Variants in CNBD1 observed in about 807,000 individuals in gnomAD.
CNBD1 encodes the protein cyclic nucleotide-binding domain-containing protein 1.
A neutral mutation model predicts 54.4 loss-of-function variants in CNBD1; 71 were observed. The observed-to-expected ratio is 1.30, with a 90% CI of 1.08 to 1.59. The LOEUF is 1.59. CNBD1 is among the 40% of genes most tolerant of loss of function. The pLI, the probability that CNBD1 is intolerant of heterozygous loss-of-function variation, is 0.00. For synonymous variants in CNBD1, 182 were observed against 170.7 expected, an observed-to-expected ratio of 1.07 and a Z score of -0.51; for missense variants, 659 against 518.0, an observed-to-expected ratio of 1.27 and a Z score of -2.64.
intron 3 of CNBD1, among the ~76,000 whole-genome samples, chr8:86,932,967 A>T (rs923498982): frequency 6.6e-6 from 1 of 152,116 alleles, no homozygotes; most frequent in Non-Finnish European, 1.5e-5. Context: ...GGAAGGTCGT[A>T]TTTAGTGGCC....
At chr8:86,952,652 A>G (rs1408543832) in intron 4 of CNBD1, among the ~76,000 whole-genome samples, 1 of 151,910 alleles carries the variant, frequency 6.6e-6, no homozygotes, top group African/African-American at 2.4e-5. Flanking sequence ...TATAATTTAT[A>G]TATAATAAAA....
At chr8:87,312,508 G>T (rs1045175601) in intron 8 of CNBD1, among the ~76,000 whole-genome samples, 1 of 152,048 alleles carries the variant, frequency 6.6e-6, no homozygotes. Context: ...GTGAAATATA[G>T]TGGGGTTTGA....
At chr8:87,147,729 A>T (rs1812519738) in intron 4 of CNBD1, among the ~76,000 whole-genome samples, 1 of 152,098 alleles carries the variant, frequency 6.6e-6, no homozygotes, top group African/African-American at 2.4e-5. Context: ...GGGATGCTTC[A>T]TAACTTCAAG....
chr8:87,394,135 C>A (rs1811367209), intron 2 of CNBD1, among the ~76,000 whole-genome samples: 1 of 151,778 alleles, frequency 6.6e-6, no homozygotes, highest in African/African-American at 2.4e-5. Flanking sequence ...TAACAATCAC[C>A]CACATAGAAT....
intron 8 of CNBD1, among the ~76,000 whole-genome samples, chr8:87,340,875 C>A (rs773952763): frequency 2.0e-5 from 3 of 151,884 alleles, no homozygotes; most frequent in Non-Finnish European, 4.4e-5. Context: ...CCTATACCGC[C>A]ATTTCTTTAG....
intron 3 of CNBD1, among the ~76,000 whole-genome samples, chr8:86,911,000 G>A (rs897700573): frequency 1.3e-5 from 2 of 152,160 alleles, no homozygotes; most frequent in African/African-American, 4.8e-5. Context: ...TAGTTGTGCT[G>A]TTTGCATATC....
rs538277428 is a variant in CNBD1 at position 87,266,901 on chromosome 8, A to G, written c.772-17777A>G. On this transcript the variant is annotated intron_variant, in intron 6 of 10. Coordinates refer to ENST00000518476, the MANE Select transcript of CNBD1 (RefSeq NM_173538.3). ...TCATAAAACTTAATTTAGGCATCACATGCCTAATGATGAAAGGAAAGACTT... is the reference window on the plus strand; with the variant it reads ...TCATAAAACTTAATTTAGGCATCACGTGCCTAATGATGAAAGGAAAGACTT... Among the ~76,000 whole-genome samples the G allele has an allele frequency of 4.6e-5, 7 of 152,270 alleles. No individual in the cohort carries two copies. The South Asian group carries it at 1.0e-3, about 23-fold the overall frequency.
intron 2 of CNBD1, among the ~76,000 whole-genome samples, chr8:87,412,128 T>G (rs1259445300): frequency 6.6e-6 from 1 of 152,062 alleles, no homozygotes; most frequent in Non-Finnish European, 1.5e-5. Context: ...CTGAGTTTTT[T>G]TCATTTTTCA....
chr8:86,923,841 G>T (rs555813060), intron 3 of CNBD1, among the ~76,000 whole-genome samples: 2 of 152,316 alleles, frequency 1.3e-5, no homozygotes, highest in South Asian at 4.1e-4. Flanking sequence ...AAGGACAGGT[G>T]ACATCAGAAC....
At position 86,948,312 on chromosome 8, in the gene CNBD1, T is replaced by C. The variant is rs149858711; in HGVS notation, c.431+8558T>C. On this transcript the variant is annotated intron_variant, in intron 4 of 10. Transcript: ENST00000518476. ...TTGCTGGATCATATACCTCTAATTT[T>C]AGTTTTTTGAGGAACCTCAATACTG... Among the ~76,000 whole-genome samples the C allele has an allele frequency of 4.4e-4, 67 of 152,258 alleles. No individual in the cohort carries two copies. In the East Asian group the frequency reaches 0.011, roughly 25 times the overall value.
At chr8:87,341,935 T>C (rs113851887) in intron 8 of CNBD1, among the ~76,000 whole-genome samples, 3,663 of 152,264 alleles carry the variant, frequency 0.024, 149 homozygotes, top group African/African-American at 0.081. Flanking sequence ...TCATGTTCAC[T>C]CAGATACAGA....
chr8:87,102,246 G>C (rs957074008), intron 4 of CNBD1, among the ~76,000 whole-genome samples: 1 of 152,096 alleles, frequency 6.6e-6, no homozygotes, highest in Non-Finnish European at 1.5e-5. Context: ...GTGTAAGAAA[G>C]AGGAGACTTG....
chr8:87,075,647 G>A (rs185599310), intron 4 of CNBD1, among the ~76,000 whole-genome samples: 2 of 152,046 alleles, frequency 1.3e-5, no homozygotes, highest in Admixed American at 6.5e-5. Flanking sequence ...CTATCTCTTT[G>A]GCCATAGCAC....
rs530611411 is a variant in CNBD1, at chr8:86,916,172, G to C, written c.272+10978G>C. 8.5e-5 allele frequency among the ~76,000 whole-genome samples: 13 copies of C among 152,270 alleles called. No homozygotes were observed. The South Asian group carries it at 2.3e-3, about 27-fold the overall frequency. On this transcript the variant is annotated intron_variant, in intron 3 of 10. Coordinates refer to ENST00000518476, the MANE Select transcript of CNBD1 (RefSeq NM_173538.3). ...CCTCAATGCTTGTCTCCTCAGGAGA[G>C]AGAATTTGACTAAGGGGCATGAGGC...
chr8:86,962,115 C>G (rs569277310), intron 4 of CNBD1, among the ~76,000 whole-genome samples: 6 of 151,824 alleles, frequency 4.0e-5, no homozygotes, highest in African/African-American at 1.5e-4. Context: ...AGGTTTTTTT[C>G]AAAAATGAAT....
Position 87,233,070 on chromosome 8 carries a change from C to A in CNBD1, c.578-3849C>A, listed in dbSNP as rs569696975. ...GGTTATGTATATTAGTTTTAAAATTCATTTAAACCCTTTAATAGTAACTAC... is the reference window on the plus strand; with the variant it reads ...GGTTATGTATATTAGTTTTAAAATTAATTTAAACCCTTTAATAGTAACTAC... On this transcript the variant is annotated intron_variant, in intron 5 of 10. Transcript: ENST00000518476. 3.3e-5 allele frequency among the ~76,000 whole-genome samples: 5 copies of A among 152,206 alleles called. No individual in the cohort carries two copies. The South Asian group carries it at 1.0e-3, about 32-fold the overall frequency.
intron 3 of CNBD1, among the ~76,000 whole-genome samples, chr8:86,937,778 C>T (rs1809576246): frequency 6.6e-6 from 1 of 151,810 alleles, no homozygotes; most frequent in African/African-American, 2.4e-5. Flanking sequence ...TGGGGGCTGC[C>T]ATGAAGATCT....
intron 5 of CNBD1, among the ~76,000 whole-genome samples, chr8:87,212,131 C>A (rs1391541019): frequency 6.6e-6 from 1 of 151,890 alleles, no homozygotes; most frequent in Admixed American, 6.6e-5. Flanking sequence ...CCAATAACAT[C>A]AAAAATATAA....
chr8:87,054,679 A>G (rs1298773555), intron 4 of CNBD1, among the ~76,000 whole-genome samples: 1 of 152,204 alleles, frequency 6.6e-6, no homozygotes, highest in African/African-American at 2.4e-5. Flanking sequence ...GCCAATACCC[A>G]GCAGGCTGTC....
Sources: gnomAD v4.1 joint callset for allele counts (sites outside exome capture counted in the v4.1 genomes callset) on GRCh38, gnomAD v4.1.1 for gene constraint, MANE v1.5 for transcripts, NCBI Gene and HGNC (gene_info 2026-07-23, HGNC 2026-07-21) for gene names.